The following NRXN1 variants were observed in gnomAD, a reference collection of about 807,000 sequenced individuals.
The protein encoded by NRXN1 is neurexin-1.
Under a neutral mutation model 150.9 loss-of-function variants are expected in NRXN1, and 39 were observed. That is an observed-to-expected ratio of 0.26 (90% confidence interval 0.20 to 0.34). NRXN1 has a LOEUF of 0.34. Among genes scored for constraint, NRXN1 ranks in the 10% least tolerant of loss-of-function variants. NRXN1 has a pLI of 1.00. For missense variants in NRXN1, 1,815 were observed against 1,949.9 expected, an observed-to-expected ratio of 0.93 and a Z score of 1.30; for synonymous variants, 924 against 757.0, an observed-to-expected ratio of 1.22 and a Z score of -3.62.
At chr2:50,815,439 A>C (rs558810030) in intron 5 of NRXN1, among the ~76,000 whole-genome samples, 1 of 152,276 alleles carries the variant, frequency 6.6e-6, no homozygotes, top group East Asian at 1.9e-4. Flanking sequence ...ACACAGTAAC[A>C]ATATGTGAGA....
chr2:50,665,218 C>G (rs1047684853), intron 5 of NRXN1, among the ~76,000 whole-genome samples: 2 of 151,894 alleles, frequency 1.3e-5, no homozygotes, highest in Non-Finnish European at 2.9e-5. Context: ...TACTACTTTT[C>G]TACCAGTTAA....
In NRXN1 at chr2:50,672,292, T is replaced by C. The variant is rs544808572; in HGVS notation, c.833-48677A>G. Among the ~76,000 whole-genome samples, 8 of 151,918 alleles carry C rather than the reference T, an allele frequency of 5.3e-5. No individual in the cohort carries two copies. In the South Asian group the frequency reaches 1.7e-3, roughly 32 times the overall value. ...AAAAAAAGCCACAAATCACAGTTAG[T>C]CCAGGGAAAATTTCTTGTGAATTGT... is the stretch of plus-strand genomic sequence containing the variant. On this transcript the variant is annotated intron_variant, in intron 5 of 22. Transcript: ENST00000401669.
intron 5 of NRXN1, among the ~76,000 whole-genome samples, chr2:50,658,411 G>GTGTGTGTGTGTGTGTGT (rs143434552): frequency 6.9e-6 from 1 of 144,682 alleles, no homozygotes; most frequent in Non-Finnish European, 1.5e-5. Flanking sequence ...TGCATTCACT[G>GTGTGTGTGTGTGTGTGT]GTGTGTGTGT....
At chr2:50,535,621 T>C (rs796737498) in intron 10 of NRXN1, among the ~76,000 whole-genome samples, 1 of 152,210 alleles carries the variant, frequency 6.6e-6, no homozygotes, top group African/African-American at 2.4e-5. Flanking sequence ...TTATTAAAAA[T>C]AAAGCAGAAG....
At chr2:50,350,837 C>T (rs955973706) in intron 17 of NRXN1, among the ~76,000 whole-genome samples, 2 of 151,986 alleles carry the variant, frequency 1.3e-5, no homozygotes, top group Non-Finnish European at 2.9e-5. Flanking sequence ...GTCTCAAGAG[C>T]TAAAGAGAAA....
At chr2:50,299,347 T>A (rs1217566104) in intron 17 of NRXN1, among the ~76,000 whole-genome samples, 1 of 152,146 alleles carries the variant, frequency 6.6e-6, no homozygotes, top group Non-Finnish European at 1.5e-5. Context: ...GCAGAACTTT[T>A]GCAGTTCTCA....
chr2:50,291,234 T>C (rs1005020723), intron 17 of NRXN1, among the ~76,000 whole-genome samples: 1 of 148,980 alleles, frequency 6.7e-6, no homozygotes, highest in African/African-American at 2.6e-5. Context: ...TTTCAACAAA[T>C]AACCTGGTTT....
intron 5 of NRXN1, among the ~76,000 whole-genome samples, chr2:50,705,958 C>T (rs911784314): frequency 1.5e-4 from 23 of 152,224 alleles, no homozygotes; most frequent in African/African-American, 4.8e-4. Context: ...CAAAGAAAAG[C>T]ACAAAAATCA....
intron 17 of NRXN1, among the ~76,000 whole-genome samples, chr2:50,287,708 C>T (rs555052597): frequency 2.0e-5 from 3 of 152,204 alleles, no homozygotes; most frequent in South Asian, 4.1e-4. Flanking sequence ...TAGTCTACCA[C>T]TTGTTAAATT....
rs181307587 is a variant in NRXN1 at position 50,944,589 on chromosome 2, A to G, written c.773-18634T>C. ...TGAAACCAAACTTTTAAATCTTAAC[A>G]TATTTACCAACAATTTTCTTATCCT... On this transcript the variant is annotated intron_variant, in intron 2 of 22. Transcript: ENST00000401669. Among the ~76,000 whole-genome samples the G allele has an allele frequency of 7.2e-4, 109 of 152,302 alleles. 1 individual carries two copies. The highest frequency in any genetic ancestry group is 2.5e-3 in the African/African-American group (105 of 41,574).
chr2:51,010,284 C>G (rs1345509368), intron 2 of NRXN1, among the ~76,000 whole-genome samples: 1 of 151,960 alleles, frequency 6.6e-6, no homozygotes, highest in South Asian at 2.1e-4. Flanking sequence ...CTGAAAACAG[C>G]AAAACACCTG....
At chr2:50,120,790 C>T (rs1703748334) in intron 18 of NRXN1, among the ~76,000 whole-genome samples, 1 of 152,128 alleles carries the variant, frequency 6.6e-6, no homozygotes, top group Admixed American at 6.5e-5. Context: ...AAACCTCTCA[C>T]TTATTCTGTC....
chr2:50,111,958 G>A (rs1702430737), intron 18 of NRXN1, among the ~76,000 whole-genome samples: 1 of 151,694 alleles, frequency 6.6e-6, no homozygotes, highest in Admixed American at 6.6e-5. Flanking sequence ...ATATAAAATG[G>A]GTACTCAACA....
intron 19 of NRXN1, among the ~76,000 whole-genome samples, chr2:50,057,057 G>A (rs1693763060): frequency 6.6e-6 from 1 of 152,032 alleles, no homozygotes; most frequent in African/African-American, 2.4e-5. Context: ...CATCTTCTCT[G>A]TGATTAATCA....
chr2:50,442,004 T>A (rs978401430), intron 17 of NRXN1, among the ~76,000 whole-genome samples: 2 of 152,202 alleles, frequency 1.3e-5, no homozygotes, highest in African/African-American at 4.8e-5. Context: ...TTCCTTCCAG[T>A]GAAGTCTCTC....
chr2:50,150,147 G>A (rs922724895), intron 18 of NRXN1, among the ~76,000 whole-genome samples: 4 of 151,692 alleles, frequency 2.6e-5, no homozygotes, highest in African/African-American at 2.4e-5. Context: ...TCACTTTGAG[G>A]AGATCTAAGC....
chr2:50,426,372 C>A (rs1367229197), intron 17 of NRXN1, among the ~76,000 whole-genome samples: 12 of 152,154 alleles, frequency 7.9e-5, no homozygotes, highest in Admixed American at 6.5e-4. Flanking sequence ...TCCTAGTATA[C>A]CTCCTCAGAG....
chr2:50,906,875 T>C (rs921949620), intron 5 of NRXN1, among the ~76,000 whole-genome samples: 6 of 151,966 alleles, frequency 3.9e-5, no homozygotes, highest in African/African-American at 7.3e-5. Context: ...GCTCAGAACA[T>C]ACCCCAAAGT....
At chr2:50,830,501 T>C (rs542516640) in intron 5 of NRXN1, among the ~76,000 whole-genome samples, 13 of 151,352 alleles carry the variant, frequency 8.6e-5, no homozygotes, top group Non-Finnish European at 1.3e-4. Context: ...AAAAAAAAGT[T>C]CAAAAAGCTC....
Sources: gnomAD v4.1 joint callset for allele counts (sites outside exome capture counted in the v4.1 genomes callset) on GRCh38, gnomAD v4.1.1 for gene constraint, MANE v1.5 for transcripts, NCBI Gene and HGNC (gene_info 2026-07-23, HGNC 2026-07-21) for gene names.